The following SSC4D variants were observed in gnomAD, a reference collection of about 807,000 sequenced individuals.
SSC4D encodes scavenger receptor cysteine-rich domain-containing group B protein.
In SSC4D, 57 loss-of-function variants were observed where a neutral mutation model predicts 63.4. That is an observed-to-expected ratio of 0.90 (90% CI 0.73 to 1.12). SSC4D has a LOEUF of 1.12. Ranked by LOEUF, SSC4D falls within the 50% of genes most tolerant of loss-of-function variation. The pLI is 0.00. For missense variants in SSC4D, 791 were observed against 806.4 expected, an observed-to-expected ratio of 0.98 and a Z score of 0.23; for synonymous variants, 352 against 345.4, an observed-to-expected ratio of 1.02 and a Z score of -0.21.
intron 4 of SSC4D, among the ~76,000 whole-genome samples, chr7:76,399,452 T>C (rs1006529845): frequency 1.3e-5 from 2 of 152,172 alleles, no homozygotes; most frequent in Non-Finnish European, 2.9e-5. Context: ...CCTGATTTTC[T>C]TGAAAACTAG....
chr7:76,394,017 A>C, intron 7 of SSC4D, 113 bp from the exon 8 acceptor site: 1 of 1,045,342 alleles, frequency 9.6e-7, no homozygotes, highest in Non-Finnish European at 1.4e-6. Flanking sequence ...CCGTACCCCC[A>C]CTCAGCTGCA....
intron 9 of SSC4D, among the ~76,000 whole-genome samples, 176 bp downstream of exon 9, chr7:76,393,229 C>T (rs987046042): frequency 4.9e-4 from 75 of 151,582 alleles, no homozygotes; most frequent in African/African-American, 1.7e-3. Flanking sequence ...GTTCCGGCCT[C>T]GCCCCGCCGC....
intron 7 of SSC4D, among the ~76,000 whole-genome samples, chr7:76,394,857 T>G (rs982195297): frequency 6.9e-6 from 1 of 144,274 alleles, no homozygotes; most frequent in Non-Finnish European, 1.5e-5. Context: ...ATATATATAA[T>G]ATATATAAGA....
rs543456048 is a variant in SSC4D, at chr7:76,400,518, G to T, written c.243C>A (p.Ser81Arg). ...CCACGTCCCAGTCGTCATCACAGAC[G>T]CTGCCCCAGGAGCCACCGTGCATGA... Reference protein sequence around the residue: ...LEVMHGGSWGSVCDDDWDVVD... With the variant: ...LEVMHGGSWGRVCDDDWDVVD... The change falls in exon 4 of 11, where the codon AGC becomes AGA. Residue 81 changes from serine (S) to arginine (R), a missense_variant. Physicochemically the swap from Ser to Arg is moderately radical, Grantham distance 110. Transcript: ENST00000275560. 8 of 1,583,110 alleles carry T rather than the reference G, an allele frequency of 5.1e-6. No individual in the cohort carries two copies. Among genetic ancestry groups the T allele is most frequent in the African/African-American group, 1.4e-5 (1 of 73,958 alleles).
chr7:76,390,184 T>C lies in SSC4D; in HGVS notation c.1603A>G (p.Ile535Val), dbSNP rs759314727. ...EAHFGPGRGP[I>V]LLDNVKCRGE... The stretch of plus-strand genomic sequence containing the variant: ...CGGCACTTGACATTGTCCAGGAGAA[T>C]GGGGCCTCGGCCTGGGCCAAAGTGA... The change falls in exon 11 of 11, where the codon ATT becomes GTT. Residue 535 changes from isoleucine to valine, a missense_variant. Transcript: ENST00000275560. 1.2e-6 allele frequency: 2 copies of C among 1,614,176 alleles called. No homozygotes were observed. The highest frequency in any genetic ancestry group is 1.1e-5 in the South Asian group (1 of 91,082).
intron 3 of SSC4D, among the ~76,000 whole-genome samples, 173 bp downstream of exon 3, chr7:76,400,835 G>A (rs1282614004): frequency 1.3e-5 from 2 of 152,112 alleles, no homozygotes; most frequent in Non-Finnish European, 2.9e-5. Flanking sequence ...ATGAAGCCAT[G>A]GGAACCTTGG....
intron 1 of SSC4D, among the ~76,000 whole-genome samples, chr7:76,405,345 T>TCTTTC (rs1364831511): frequency 2.9e-5 from 3 of 105,136 alleles, no homozygotes; most frequent in Non-Finnish European, 4.0e-5. Context: ...CTTTCTTTTT[T>TCTTTC]TTTTTTTTTT....
At chr7:76,407,801 C>G (rs922438074) in intron 1 of SSC4D, among the ~76,000 whole-genome samples, 2 of 152,186 alleles carry the variant, frequency 1.3e-5, no homozygotes, top group African/African-American at 2.4e-5. Context: ...CACCATGTAA[C>G]CAGTGTCCCA....
At position 76,395,314 on chromosome 7, in the gene SSC4D, C is replaced by G. The variant is rs139627347; in HGVS notation, c.885G>C (p.Thr295=). Residue 295 remains threonine (T), a synonymous_variant, in exon 7 of 11, where the codon ACG becomes ACC. Transcript: ENST00000275560. ...GALCAGLGPP[T]LTALPSSATR... ...TGGCTGAGGATGGCAGTGCTGTGAGCGTTGGGGGACCCAGGCCTAGGGCAG... is the reference window on the plus strand; with the variant it reads ...TGGCTGAGGATGGCAGTGCTGTGAGGGTTGGGGGACCCAGGCCTAGGGCAG... 6 of 1,613,790 alleles carry G rather than the reference C, an allele frequency of 3.7e-6. No individual in the cohort carries two copies. The highest frequency in any genetic ancestry group is 5.1e-6 in the Non-Finnish European group (6 of 1,180,022).
chr7:76,400,652 T>G, intron 3 of SSC4D, 61 bp from the exon 4 acceptor site: 1 of 1,383,186 alleles, frequency 7.2e-7, no homozygotes, highest in Non-Finnish European at 9.5e-7. Flanking sequence ...GCATGCCCAC[T>G]CCAGGATGTC....
At chr7:76,392,137 G>A (rs956142788) in intron 9 of SSC4D, 96 bp from the exon 10 acceptor site, 3 of 1,264,042 alleles carry the variant, frequency 2.4e-6, no homozygotes, top group African/African-American at 3.0e-5. Context: ...AGGAAAGCCT[G>A]TCCTAGGGAC....
At chr7:76,392,413 G>T (rs1303723599) in intron 9 of SSC4D, among the ~76,000 whole-genome samples, 1 of 152,018 alleles carries the variant, frequency 6.6e-6, no homozygotes, top group South Asian at 2.1e-4. Context: ...AGCCAGGCGT[G>T]GTGGCATGCA....
chr7:76,396,199 G>A (rs1336110989), intron 6 of SSC4D, among the ~76,000 whole-genome samples: 2 of 152,228 alleles, frequency 1.3e-5, no homozygotes, highest in African/African-American at 4.8e-5. Flanking sequence ...TCAGGAGGTG[G>A]AGCTCAGATA....
intron 1 of SSC4D, among the ~76,000 whole-genome samples, chr7:76,405,340 T>TTTTTTTC (rs1804984248): frequency 4.1e-5 from 2 of 48,966 alleles, no homozygotes; most frequent in African/African-American, 9.6e-5. Flanking sequence ...TCTTTCTTTC[T>TTTTTTTC]TTTTTTTTTT....
At chr7:76,400,253 G>A in intron 4 of SSC4D, 33 bp downstream of exon 4, 1 of 1,435,206 alleles carries the variant, frequency 7.0e-7, no homozygotes, top group Non-Finnish European at 9.2e-7. Context: ...GCCACAGTCT[G>A]TCTGTCCCTC....
chr7:76,406,206 G>C (rs933606267), intron 1 of SSC4D, among the ~76,000 whole-genome samples: 4 of 152,090 alleles, frequency 2.6e-5, no homozygotes, highest in African/African-American at 9.7e-5. Context: ...TTGAACTCCT[G>C]ACCTCAGGTG....
At chr7:76,404,929 G>A (rs191032872) in intron 1 of SSC4D, among the ~76,000 whole-genome samples, 206 of 151,712 alleles carry the variant, frequency 1.4e-3, no homozygotes, top group South Asian at 3.8e-3. Context: ...CATTTGCCAG[G>A]TGTGGTGGAG....
At chr7:76,397,207 C>T (rs1208675607) in intron 6 of SSC4D, among the ~76,000 whole-genome samples, 3 of 152,096 alleles carry the variant, frequency 2.0e-5, no homozygotes, top group Non-Finnish European at 1.5e-5. Context: ...CTCAGCCTCC[C>T]GAGTCTCTGG....
intron 4 of SSC4D, 75 bp downstream of exon 4, chr7:76,400,211 C>T: frequency 7.2e-7 from 1 of 1,381,220 alleles, no homozygotes; most frequent in East Asian, 2.7e-5. Flanking sequence ...TGGGAAGTCC[C>T]TTCATTTATC....
Sources: allele counts gnomAD v4.1 joint callset (sites outside exome capture counted in the v4.1 genomes callset), GRCh38; gene constraint gnomAD v4.1.1; transcripts MANE v1.5; gene names NCBI Gene and HGNC (gene_info 2026-07-23, HGNC 2026-07-21).